TIMMDC1: variants seen among roughly 807,000 people sequenced by gnomAD.
TIMMDC1 encodes complex I assembly factor TIMMDC1, mitochondrial.
Under a neutral mutation model 32.6 loss-of-function variants are expected in TIMMDC1, and 25 were observed. The observed-to-expected ratio is 0.77, with a 90% CI of 0.56 to 1.07. TIMMDC1 has a LOEUF of 1.07. TIMMDC1 is among the 50% of genes least tolerant of loss of function. TIMMDC1 has a pLI of 0.00. For synonymous variants in TIMMDC1, 130 were observed against 127.6 expected (o/e 1.02, Z -0.13); for missense variants, 329 against 349.2 (o/e 0.94, Z 0.46).
rs1163976966 is a variant in TIMMDC1 at position 119,523,662 on chromosome 3, A to C, written c.764A>C (p.Gln255Pro). 4.3e-6 allele frequency: 7 copies of C among 1,613,658 alleles called. No individual in the cohort carries two copies. Among genetic ancestry groups the C allele is most frequent in the Non-Finnish European group, 5.9e-6 (7 of 1,179,778 alleles). The part of the protein sequence containing the change: ...HLPEKIESSL[Q>P]EDEPENDAKK... ...CCTGAGAAAATTGAAAGTAGTTTAC[A>C]GGAAGATGAACCTGAGAATGATGCT... The change falls in exon 7 of 7, where the codon CAG (glutamine) becomes CCG (proline). Residue 255 changes from glutamine to proline, a missense_variant. Physicochemically the swap from Gln to Pro is moderately conservative, Grantham distance 76. Coordinates refer to ENST00000494664, the MANE Select transcript of TIMMDC1 (RefSeq NM_016589.4).
intron 2 of TIMMDC1, among the ~76,000 whole-genome samples, chr3:119,501,922 G>T (rs1286102452): frequency 6.6e-6 from 1 of 152,054 alleles, no homozygotes; most frequent in African/African-American, 2.4e-5. Flanking sequence ...TTTTTGACAG[G>T]AATACCCTAG....
chr3:119,519,561 CTG>C (rs1176565920), intron 6 of TIMMDC1, among the ~76,000 whole-genome samples: 12 of 152,164 alleles, frequency 7.9e-5, no homozygotes, highest in South Asian at 6.2e-4. Context: ...GAAATAACAA[CTG>C]TAAATATATA....
chr3:119,499,940 A>T (rs919487686), intron 1 of TIMMDC1, among the ~76,000 whole-genome samples: 2 of 152,174 alleles, frequency 1.3e-5, no homozygotes, highest in Non-Finnish European at 1.5e-5. Context: ...TTTTAAAAAA[A>T]CATTTATTTG....
chr3:119,510,529 T>TA (rs1303346112), intron 4 of TIMMDC1, among the ~76,000 whole-genome samples: 1 of 152,104 alleles, frequency 6.6e-6, no homozygotes, highest in African/African-American at 2.4e-5. Flanking sequence ...CTTGCAACTG[T>TA]AAAATTAAAA....
At chr3:119,509,760 G>A (rs2030816) in intron 4 of TIMMDC1, among the ~76,000 whole-genome samples, 122,217 of 150,810 alleles carry the variant, frequency 0.81, 49,567 homozygotes, top group East Asian at 0.87. Context: ...ATCTCGGCTC[G>A]CTGCAACCTC....
At chr3:119,499,052 G>T in intron 1 of TIMMDC1, 125 bp downstream of exon 1, 3 of 710,004 alleles carry the variant, frequency 4.2e-6, no homozygotes, top group East Asian at 2.8e-5. Flanking sequence ...TATATTTGAG[G>T]TTCTGATATT....
intron 6 of TIMMDC1, among the ~76,000 whole-genome samples, chr3:119,520,318 A>G (rs947370218): frequency 3.3e-5 from 5 of 152,130 alleles, no homozygotes; most frequent in African/African-American, 1.2e-4. Context: ...GAAGAACTAA[A>G]TGAAAAGTTG....
Position 119,513,669 on chromosome 3 carries a change from C to T in TIMMDC1, c.546C>T (p.Asn182=), listed in dbSNP as rs781720425. ...GAVTGSLFRI[N]VGLRGLVAGG... is the part of the protein sequence containing the mutation. ...TCACGGGAAGTCTTTTTAGGATAAA[C>T]GTAGGCCTGCGTGGCCTGGTGGCTG... The change falls in exon 5 of 7, where the codon AAC becomes AAT. Residue 182 remains asparagine, a synonymous_variant. Transcript: ENST00000494664. 11 of 1,611,896 alleles carry T rather than the reference C, an allele frequency of 6.8e-6. No homozygotes were observed. The highest frequency in any genetic ancestry group is 2.7e-5 in the African/African-American group (2 of 74,728).
chr3:119,517,077 C>T (rs2081988850), intron 5 of TIMMDC1, 128 bp from the exon 6 acceptor site: 1 of 519,214 alleles, frequency 1.9e-6, no homozygotes, highest in African/African-American at 1.9e-5. Context: ...CACTTTAATT[C>T]TCAAATGTTC....
rs1310845676 is a variant in TIMMDC1 at position 119,513,653 on chromosome 3, G to A, written c.530G>A (p.Ser177Asn). Residue 177 changes from serine (S) to asparagine (N), a missense_variant, in exon 5 of 7, where the codon AGT becomes AAT. Transcript: ENST00000494664. ...TGTTTTTAAATAGCTGTCACGGGAA[G>A]TCTTTTTAGGATAAACGTAGGCCTG... ...HFVIAGAVTG[S>N]LFRINVGLRG... The A allele has an allele frequency of 6.2e-7, 1 of 1,613,100 alleles. No homozygotes were observed. Among genetic ancestry groups the A allele is most frequent in the East Asian group, 2.2e-5 (1 of 44,818 alleles).
chr3:119,514,384 C>T (rs1440951444), intron 5 of TIMMDC1, among the ~76,000 whole-genome samples: 1 of 152,090 alleles, frequency 6.6e-6, no homozygotes, highest in African/African-American at 2.4e-5. Flanking sequence ...GATACTTCAC[C>T]CCCATATATA....
At chr3:119,505,642 C>G (rs973766213) in intron 4 of TIMMDC1, among the ~76,000 whole-genome samples, 2 of 152,218 alleles carry the variant, frequency 1.3e-5, no homozygotes, top group Non-Finnish European at 1.5e-5. Flanking sequence ...GCTGGGATTA[C>G]AGGCGTAAGC....
chr3:119,520,484 A>G (rs1228504295), intron 6 of TIMMDC1, among the ~76,000 whole-genome samples: 1 of 152,202 alleles, frequency 6.6e-6, no homozygotes, highest in Non-Finnish European at 1.5e-5. Context: ...TGGAAAAGCT[A>G]CAGGAAATGG....
chr3:119,506,204 G>A (rs1488504048), intron 4 of TIMMDC1, among the ~76,000 whole-genome samples: 1 of 152,172 alleles, frequency 6.6e-6, no homozygotes, highest in African/African-American at 2.4e-5. Context: ...ACTTGCTCCT[G>A]CTGTTACGTT....
intron 6 of TIMMDC1, among the ~76,000 whole-genome samples, chr3:119,519,747 A>G (rs1320815627): frequency 6.6e-6 from 1 of 152,196 alleles, no homozygotes; most frequent in Non-Finnish European, 1.5e-5. Context: ...CTTAAACTGT[A>G]CTGTAGATCA....
At chr3:119,503,673 A>T in intron 3 of TIMMDC1, 53 bp downstream of exon 3, 1 of 1,431,646 alleles carries the variant, frequency 7.0e-7, no homozygotes, top group Non-Finnish European at 9.6e-7. Flanking sequence ...TTGTTTTAGG[A>T]GTGTGTCTTT....
At chr3:119,516,057 G>A (rs2081983907) in intron 5 of TIMMDC1, among the ~76,000 whole-genome samples, 1 of 152,092 alleles carries the variant, frequency 6.6e-6, no homozygotes, top group Non-Finnish European at 1.5e-5. Context: ...TGGTTTGAAG[G>A]GAAAAGTTGT....
Position 119,521,507 on chromosome 3 carries a change from A to G in TIMMDC1, c.708-2099A>G, listed in dbSNP as rs376736778. Among the ~76,000 whole-genome samples, 40 of 152,218 alleles carry G rather than the reference A, an allele frequency of 2.6e-4. No homozygotes were observed. In the East Asian group the frequency reaches 5.2e-3, roughly 20 times the overall value. On this transcript the variant is annotated intron_variant, in intron 6 of 6. Coordinates refer to ENST00000494664, the MANE Select transcript of TIMMDC1 (RefSeq NM_016589.4). ...GGTTGCAATGAACCAAGATGGTGCCACTGCACTCCAGCCTGAGTGACAGCA... is the reference window on the plus strand; with the variant it reads ...GGTTGCAATGAACCAAGATGGTGCCGCTGCACTCCAGCCTGAGTGACAGCA...
chr3:119,499,068 C>A, intron 1 of TIMMDC1, 141 bp downstream of exon 1: 1 of 655,874 alleles, frequency 1.5e-6, no homozygotes, highest in Non-Finnish European at 2.6e-6. Context: ...ATATTTGTAA[C>A]CCAAGCTTGT....
Sources: allele counts gnomAD v4.1 joint callset (sites outside exome capture counted in the v4.1 genomes callset), GRCh38; gene constraint gnomAD v4.1.1; transcripts MANE v1.5; gene names NCBI Gene and HGNC (gene_info 2026-07-23, HGNC 2026-07-21).